Variants in DCBLD1 observed in about 807,000 individuals in gnomAD.
The protein encoded by DCBLD1 is discoidin, CUB and LCCL domain-containing protein 1.
DCBLD1 carries 57 observed loss-of-function variants against 71.5 expected under a neutral mutation model. That is an observed-to-expected ratio of 0.80 (90% confidence interval 0.64 to 0.99). DCBLD1 has a LOEUF of 0.99. Among genes scored for constraint, DCBLD1 ranks in the 50% least tolerant of loss-of-function variants. DCBLD1 has a pLI of 0.00. For missense variants in DCBLD1, 891 were observed against 923.5 expected (o/e 0.96, Z 0.46); for synonymous variants, 380 against 363.8 (o/e 1.04, Z -0.51).
At position 117,532,258 on chromosome 6, in the gene DCBLD1, A is replaced by C; in HGVS notation, c.586-2A>C. On this transcript the variant is annotated splice_acceptor_variant, in intron 5 of 14. Coordinates refer to ENST00000338728, the MANE Select transcript of DCBLD1 (RefSeq NM_001366458.2). LOFTEE classifies it high-confidence loss of function. ...CTGCATAATGATGTTGCTGTGTTTC[A>C]GACCTCTTTATTGTGCAAAGCTGCC... 1.3e-6 allele frequency: 2 copies of C among 1,594,466 alleles called. No individual in the cohort carries two copies. The highest frequency in any genetic ancestry group is 1.7e-6 in the Non-Finnish European group (2 of 1,174,622).
chr6:117,565,120 G>A (rs564867243), intron 14 of DCBLD1, among the ~76,000 whole-genome samples: 120 of 152,094 alleles, frequency 7.9e-4, no homozygotes, highest in African/African-American at 2.8e-3. Context: ...AAATCCAGAA[G>A]GTTAATATAA....
At chr6:117,532,446 G>A (rs1778757036) in intron 6 of DCBLD1, 53 bp downstream of exon 6, 5 of 1,505,812 alleles carry the variant, frequency 3.3e-6, no homozygotes, top group Non-Finnish European at 4.4e-6. Flanking sequence ...AACCCTGAAG[G>A]ATAATTAACC....
At chr6:117,497,210 A>G (rs185890918) in intron 1 of DCBLD1, among the ~76,000 whole-genome samples, 1 of 152,248 alleles carries the variant, frequency 6.6e-6, no homozygotes, top group Admixed American at 6.5e-5. Context: ...ATTTAAAAAA[A>G]GTATATTTGC....
At chr6:117,522,775 C>T (rs1778427912) in intron 4 of DCBLD1, among the ~76,000 whole-genome samples, 1 of 152,144 alleles carries the variant, frequency 6.6e-6, no homozygotes, top group Non-Finnish European at 1.5e-5. Context: ...CTGCACTTAG[C>T]ACAGAGTAAG....
rs749457481 is a variant in DCBLD1, at chr6:117,544,516, T to C, written c.1446-12T>C. ...GCTTATAAATATTCAGTAGGACTTTTTGTCTTGATAGGAAGAAGAAGAAAG... is the reference window on the plus strand; with the variant it reads ...GCTTATAAATATTCAGTAGGACTTTCTGTCTTGATAGGAAGAAGAAGAAAG... On this transcript the variant is annotated splice_polypyrimidine_tract_variant and intron_variant, in intron 12 of 14. Transcript: ENST00000338728. The C allele has an allele frequency of 1.2e-6, 2 of 1,613,650 alleles. No homozygotes were observed. Among genetic ancestry groups the C allele is most frequent in the Middle Eastern group, 1.6e-4 (1 of 6,062 alleles).
chr6:117,498,785 C>T (rs1166786032), intron 1 of DCBLD1, among the ~76,000 whole-genome samples: 1 of 152,116 alleles, frequency 6.6e-6, no homozygotes, highest in East Asian at 1.9e-4. Context: ...TATGTCATTT[C>T]AGCCCTGCAT....
rs369661525 is a variant in DCBLD1, at chr6:117,567,050, A to C, written c.1616-2570A>C. ...TCTCTCCTCTCTAAAACAGGAAATG[A>C]AAATGAGAAAGTCAAGTTATTGTAA... On this transcript the variant is annotated intron_variant, in intron 14 of 14. Coordinates refer to the DCBLD1 transcript ENST00000296955. The C allele has an allele frequency of 1.0e-5, 16 of 1,539,322 alleles. No individual in the cohort carries two copies. Among genetic ancestry groups the C allele is most frequent in the South Asian group, 1.0e-4 (8 of 79,812 alleles).
At chr6:117,521,600 G>T (rs1037655357) in intron 4 of DCBLD1, 24 bp downstream of exon 4, 9 of 1,408,388 alleles carry the variant, frequency 6.4e-6, no homozygotes, top group Non-Finnish European at 8.7e-6. Flanking sequence ...TCCTAACTGT[G>T]TTGCAGTCGT....
chr6:117,547,463 T>C (rs1483743208), intron 14 of DCBLD1: 2 of 447,716 alleles, frequency 4.5e-6, no homozygotes, highest in African/African-American at 4.0e-5. Context: ...CTGTCACCAC[T>C]AGGCCCTGAC....
In DCBLD1 at chr6:117,548,166, G is replaced by T. The variant is rs1779339313; in HGVS notation, c.1875G>T (p.Gly625=). The change falls in exon 15 of 15, where the codon GGG becomes GGT. Residue 625 remains glycine, a synonymous_variant. Transcript: ENST00000338728. ...FSAQSGYRVP[G]PQPGHKHSLS... Reference sequence around the variant, plus strand: ...CGCAGAGCGGCTACCGCGTCCCAGGGCCCCAGCCCGGCCACAAACACTCCC... The same window carrying T: ...CGCAGAGCGGCTACCGCGTCCCAGGTCCCCAGCCCGGCCACAAACACTCCC... 6.5e-7 allele frequency: 1 copy of T among 1,550,256 alleles called. No homozygotes were observed.
intron 7 of DCBLD1, among the ~76,000 whole-genome samples, chr6:117,537,920 T>C (rs1778954417): frequency 6.6e-6 from 1 of 152,142 alleles, no homozygotes; most frequent in Non-Finnish European, 1.5e-5. Flanking sequence ...CCCTTTATCT[T>C]AGATTTTAAG....
At chr6:117,568,026 C>CAAAA (rs779227271) in intron 14 of DCBLD1, among the ~76,000 whole-genome samples, 4 of 46,594 alleles carry the variant, frequency 8.6e-5, no homozygotes, top group African/African-American at 1.5e-4. Flanking sequence ...CCCATCTCTA[C>CAAAA]AAAAAAAAAA....
At chr6:117,567,066 G>C in intron 14 of DCBLD1, 11 of 1,489,416 alleles carry the variant, frequency 7.4e-6, no homozygotes, top group Non-Finnish European at 9.9e-6. Context: ...AGAAAGTCAA[G>C]TTATTGTAAT....
At chr6:117,542,304 A>G (rs1029341259) in intron 11 of DCBLD1, among the ~76,000 whole-genome samples, 3 of 151,808 alleles carry the variant, frequency 2.0e-5, no homozygotes, top group African/African-American at 4.8e-5. Context: ...AAAAAAAAAA[A>G]AAAAGAAAAA....
At chr6:117,550,250 CT>C (rs886469905), downstream of DCBLD1, among the ~76,000 whole-genome samples, 89 of 148,614 alleles carry the variant, frequency 6.0e-4, 1 homozygote, top group African/African-American at 1.8e-3. Context: ...GAGAACAGGA[CT>C]TTTTTTTTTG....
rs1583027573 is a variant in DCBLD1, at chr6:117,540,929, T to C, written c.1261T>C (p.Leu421=). ...GCQITQGNDS[L]VWRKTSQSTS... ...CCCTCCTCTCTCAGGTAATGATTCA[T>C]TGGTGTGGCGCAAGACAAGTCAAAG... The change falls in exon 11 of 15, where the codon TTG becomes CTG. Residue 421 remains leucine, a synonymous_variant. Transcript: ENST00000338728. 6.2e-7 allele frequency: 1 copy of C among 1,614,156 alleles called. No individual in the cohort carries two copies. Among genetic ancestry groups the C allele is most frequent in the Non-Finnish European group, 8.5e-7 (1 of 1,180,026 alleles).
At chr6:117,488,499 G>T (rs1291724519) in intron 1 of DCBLD1, among the ~76,000 whole-genome samples, 1 of 152,006 alleles carries the variant, frequency 6.6e-6, no homozygotes, top group Non-Finnish European at 1.5e-5. Context: ...ACAAAAATTT[G>T]CCGGGCGTGG....
At position 117,543,026 on chromosome 6, in the gene DCBLD1, A is replaced by T; in HGVS notation, c.1358-98A>T. 5.1e-6 allele frequency: 5 copies of T among 988,612 alleles called. No individual in the cohort carries two copies. In the South Asian group the frequency reaches 7.0e-5, roughly 14 times the overall value. 61.2% of individuals were successfully genotyped at this position (988,612 alleles called of 1,614,324 possible). The stretch of plus-strand genomic sequence containing the variant: ...TGTATTCATTTTCCCCCTATATTAA[A>T]TGCTTAAAGACTTTTCAATTCCATG... On this transcript the variant is annotated intron_variant, in intron 11 of 14. Transcript: ENST00000338728.
chr6:117,532,200 T>C (rs1469174033), intron 5 of DCBLD1, 60 bp from the exon 6 acceptor site: 3 of 1,524,422 alleles, frequency 2.0e-6, no homozygotes, highest in Admixed American at 4.6e-5. Context: ...AATAGAAAAC[T>C]CCAACTATAT....
Sources: allele counts gnomAD v4.1 joint callset (sites outside exome capture counted in the v4.1 genomes callset), GRCh38; gene constraint gnomAD v4.1.1; transcripts MANE v1.5; gene names NCBI Gene and HGNC (gene_info 2026-07-23, HGNC 2026-07-21).